RASGRP3: variants seen among roughly 807,000 people sequenced by gnomAD.
RASGRP3 encodes the protein RAS guanyl releasing protein 3.
In RASGRP3, 54 loss-of-function variants were observed where a neutral mutation model predicts 82.7. The ratio of observed to expected loss-of-function variants is 0.65; its 90% CI spans 0.52 to 0.82. The LOEUF is 0.82. Ranked by LOEUF, RASGRP3 falls within the 40% of genes least tolerant of loss-of-function variation. The pLI is 0.00. For synonymous variants in RASGRP3, 309 were observed against 300.5 expected, an observed-to-expected ratio of 1.03 and a Z score of -0.29; for missense variants, 861 against 828.9, an observed-to-expected ratio of 1.04 and a Z score of -0.48.
At chr2:33,494,072 T>C (rs1669092090) in intron 1 of RASGRP3, among the ~76,000 whole-genome samples, 1 of 152,250 alleles carries the variant, frequency 6.6e-6, no homozygotes, top group Admixed American at 6.5e-5. Flanking sequence ...TTTCTTTTAC[T>C]AACTCACTAT....
intron 1 of RASGRP3, among the ~76,000 whole-genome samples, chr2:33,446,975 C>T (rs1229357371): frequency 1.3e-5 from 2 of 151,958 alleles, no homozygotes; most frequent in Non-Finnish European, 2.9e-5. Context: ...AACCCCGTCT[C>T]TGCTAAAAAT....
chr2:33,540,549 G>C lies in RASGRP3; in HGVS notation c.1278+1339G>C, dbSNP rs1558506083. ...TCTCTCTCTCTCTCTCTCTCTGTGTGTGTGTTTTGTGTGTGTGTGTGTGTG... is the reference window on the plus strand; with the variant it reads ...TCTCTCTCTCTCTCTCTCTCTGTGTCTGTGTTTTGTGTGTGTGTGTGTGTG... On this transcript the variant is annotated intron_variant, in intron 12 of 17. Coordinates refer to ENST00000403687, the MANE Select transcript of RASGRP3 (RefSeq NM_001139488.2). Among the ~76,000 whole-genome samples the C allele has an allele frequency of 6.6e-5, 2 of 30,272 alleles. 1 individual carries two copies. Among genetic ancestry groups the C allele is most frequent in the Non-Finnish European group, 1.2e-4 (2 of 17,038 alleles). 19.9% of individuals were successfully genotyped at this position (30,272 alleles called of 152,430 possible). A position where few individuals can be genotyped will look rare whatever the true frequency, so the allele number is the denominator to read the frequency against.
chr2:33,446,605 G>C (rs1290244944), intron 1 of RASGRP3, among the ~76,000 whole-genome samples: 4 of 152,110 alleles, frequency 2.6e-5, no homozygotes, highest in Non-Finnish European at 5.9e-5. Context: ...GCAGGCACAT[G>C]AGAATTGTGC....
At chr2:33,448,925 C>A (rs1012436857) in intron 2 of RASGRP3, among the ~76,000 whole-genome samples, 1 of 152,260 alleles carries the variant, frequency 6.6e-6, no homozygotes, top group African/African-American at 2.4e-5. Flanking sequence ...TTAAAGAAAT[C>A]CCTCTGGGAA....
chr2:33,493,756 T>TA (rs202148879), intron 1 of RASGRP3, among the ~76,000 whole-genome samples: 97 of 145,726 alleles, frequency 6.7e-4, no homozygotes, highest in African/African-American at 1.7e-3. Flanking sequence ...CCTGAATGAA[T>TA]AAAAAAAAAA....
chr2:33,467,068 C>CTA (rs142732530), intron 2 of RASGRP3, among the ~76,000 whole-genome samples: 42,781 of 150,436 alleles, frequency 0.28, 8,650 homozygotes, highest in African/African-American at 0.58. Flanking sequence ...AACATACTAA[C>CTA]TATATATATA....
At chr2:33,469,652 G>C (rs1435318468) in intron 2 of RASGRP3, among the ~76,000 whole-genome samples, 1 of 151,832 alleles carries the variant, frequency 6.6e-6, no homozygotes, top group Non-Finnish European at 1.5e-5. Context: ...GTAGAGAAGG[G>C]GTTTCACCAT....
intron 1 of RASGRP3, among the ~76,000 whole-genome samples, chr2:33,505,917 G>A (rs1050820519): frequency 1.3e-5 from 2 of 152,150 alleles, no homozygotes; most frequent in African/African-American, 4.8e-5. Flanking sequence ...GAATTTCATG[G>A]TATTTATTAC....
chr2:33,449,860 A>G (rs1411484804), intron 2 of RASGRP3, among the ~76,000 whole-genome samples: 3 of 152,244 alleles, frequency 2.0e-5, no homozygotes, highest in Non-Finnish European at 2.9e-5. Context: ...TTTAGTAAAG[A>G]TAAGAAAGGT....
Position 33,487,916 on chromosome 2 carries a change from C to T in RASGRP3, c.-261+11209C>T, listed in dbSNP as rs1668531325. Among the ~76,000 whole-genome samples the T allele has an allele frequency of 2.0e-5, 3 of 152,220 alleles. No individual in the cohort carries two copies. In the South Asian group the frequency reaches 6.2e-4, roughly 32 times the overall value. ...GGAATTCTGAGACCAGCCTGGGCAA[C>T]ATAGTTGCAGACAGCAGTACACTTC... is the stretch of plus-strand genomic sequence containing the variant. On this transcript the variant is annotated intron_variant, in intron 1 of 17. Transcript: ENST00000403687.
At chr2:33,437,134 C>G (rs1446871823) in intron 1 of RASGRP3, among the ~76,000 whole-genome samples, 1 of 152,072 alleles carries the variant, frequency 6.6e-6, no homozygotes, top group African/African-American at 2.4e-5. Flanking sequence ...GGAGAATCTT[C>G]TAGAACCACA....
At chr2:33,452,980 A>G in intron 2 of RASGRP3, among the ~76,000 whole-genome samples, 1 of 152,184 alleles carries the variant, frequency 6.6e-6, no homozygotes. Flanking sequence ...GCTGTGGTCC[A>G]TAGCAAAGTA....
chr2:33,480,162 C>T (rs1667763598), intron 1 of RASGRP3, among the ~76,000 whole-genome samples: 1 of 151,508 alleles, frequency 6.6e-6, no homozygotes, highest in South Asian at 2.1e-4. Context: ...CCTGCCTCAG[C>T]CTCCTGAGTA....
At chr2:33,496,822 A>C (rs1474166269) in intron 1 of RASGRP3, among the ~76,000 whole-genome samples, 2 of 152,178 alleles carry the variant, frequency 1.3e-5, no homozygotes, top group Non-Finnish European at 2.9e-5. Context: ...GCACCACTTC[A>C]CTCCAGCCTG....
chr2:33,448,337 A>T (rs1227476422), intron 2 of RASGRP3, among the ~76,000 whole-genome samples: 1 of 152,010 alleles, frequency 6.6e-6, no homozygotes, highest in Non-Finnish European at 1.5e-5. Flanking sequence ...TTTAAAAAAA[A>T]CTCTCTGTGG....
Position 33,522,089 on chromosome 2 carries a change from T to G in RASGRP3, c.503T>G (p.Phe168Cys), listed in dbSNP as rs746323230. Residue 168 changes from phenylalanine (F) to cysteine (C), a missense_variant, in exon 7 of 18, where the codon TTT becomes TGT. By Grantham distance (205) the Phe-to-Cys change is radical (BLOSUM62 -2). Transcript: ENST00000403687. ...CTCACTTTTCTGGAGCATAAATCTT[T>G]TAGAAGGATCTCAGTAAGAAACTTG... ...EHLTFLEHKSFRRISFTDYQS... is the reference protein window; with the variant it reads ...EHLTFLEHKSCRRISFTDYQS... 1 of 1,606,398 alleles carries G rather than the reference T, an allele frequency of 6.2e-7. No individual in the cohort carries two copies. The highest frequency in any genetic ancestry group is 1.1e-5 in the South Asian group (1 of 89,122).
chr2:33,487,185 G>A (rs1009063900), intron 1 of RASGRP3, among the ~76,000 whole-genome samples: 7 of 152,012 alleles, frequency 4.6e-5, no homozygotes, highest in East Asian at 1.9e-4. Context: ...AGTTCACAAC[G>A]TCATTCAGAC....
chr2:33,540,514 A>C (rs1674145739), intron 12 of RASGRP3, among the ~76,000 whole-genome samples: 1 of 141,306 alleles, frequency 7.1e-6, no homozygotes, highest in African/African-American at 2.5e-5. Context: ...CTCAGTCCAC[A>C]TGCGGAATTT....
chr2:33,470,905 C>T (rs533049840), intron 2 of RASGRP3, among the ~76,000 whole-genome samples: 1 of 151,954 alleles, frequency 6.6e-6, no homozygotes, highest in Non-Finnish European at 1.5e-5. Context: ...CTTTTGTCTC[C>T]ATTTTTCTCA....
Sources: allele counts gnomAD v4.1 joint callset (sites outside exome capture counted in the v4.1 genomes callset), GRCh38; gene constraint gnomAD v4.1.1; transcripts MANE v1.5; gene names NCBI Gene and HGNC (gene_info 2026-07-23, HGNC 2026-07-21).